Variants in VAMP4 observed in about 807,000 individuals in gnomAD.
VAMP4 encodes vesicle associated membrane protein 4, also known as vesicle-associated membrane protein 4.
Under a neutral mutation model 23.5 loss-of-function variants are expected in VAMP4, and 19 were observed. That is an observed-to-expected ratio of 0.81 (90% CI 0.56 to 1.19). The LOEUF (loss-of-function observed/expected upper bound fraction) is 1.19, where lower values mean the gene tolerates loss of function less well. VAMP4 is among the 50% of genes most tolerant of loss of function. VAMP4 has a pLI of 0.00. For missense variants in VAMP4, 145 were observed against 168.6 expected, an observed-to-expected ratio of 0.86 and a Z score of 0.78; for synonymous variants, 31 against 51.0, an observed-to-expected ratio of 0.61 and a Z score of 1.67.
At chr1:171,730,791 G>A (rs901315737) in intron 2 of VAMP4, among the ~76,000 whole-genome samples, 1 of 151,882 alleles carries the variant, frequency 6.6e-6, no homozygotes, top group Non-Finnish European at 1.5e-5. Flanking sequence ...ATAAGGGAAG[G>A]CATAAGGGAA....
chr1:171,715,133 G>A (rs966539247), intron 4 of VAMP4, among the ~76,000 whole-genome samples: 3 of 152,162 alleles, frequency 2.0e-5, no homozygotes, highest in Non-Finnish European at 4.4e-5. Flanking sequence ...TGGGAAAAGA[G>A]TAGACAACTC....
At chr1:171,712,618 C>T (rs975852176) in intron 4 of VAMP4, among the ~76,000 whole-genome samples, 1 of 152,122 alleles carries the variant, frequency 6.6e-6, no homozygotes, top group Non-Finnish European at 1.5e-5. Context: ...GACTGAAGCT[C>T]AACAAAGTTG....
rs1381910372 is a variant in VAMP4, at chr1:171,703,403, G to GTGTA, written c.*1102_*1103insTACA. ...TTATCATATGTGTGCGTGTGTGTGT[G>GTGTA]TGTGTGTGTGTGTGTTTGTGTGTAT... On this transcript the variant is annotated 3_prime_UTR_variant, in exon 8 of 8. Coordinates refer to ENST00000236192, the MANE Select transcript of VAMP4 (RefSeq NM_003762.5). 9.4e-4 allele frequency: 96 copies of GTGTA among 101,878 alleles called. 2 individuals are homozygous for GTGTA. The highest frequency in any genetic ancestry group is 3.6e-3 in the African/African-American group (93 of 26,154). The allele number at this position is 101,878 out of a possible 1,614,324, so 6.3% of individuals were successfully genotyped here. A position where few individuals can be genotyped will look rare whatever the true frequency, so the allele number is the denominator to read the frequency against.
chr1:171,738,944 G>A (rs961560604), intron 1 of VAMP4, among the ~76,000 whole-genome samples: 3 of 152,162 alleles, frequency 2.0e-5, no homozygotes, highest in African/African-American at 7.2e-5. Context: ...AAAATATTCT[G>A]CAAACTATAA....
At chr1:171,708,850 C>A (rs1572239098) in intron 6 of VAMP4, among the ~76,000 whole-genome samples, 2 of 106,658 alleles carry the variant, frequency 1.9e-5, no homozygotes, top group East Asian at 2.6e-4. Context: ...TCAGCCTGGA[C>A]AACAAGAGCA....
chr1:171,716,058 C>A (rs1655015438), intron 4 of VAMP4, among the ~76,000 whole-genome samples: 1 of 152,138 alleles, frequency 6.6e-6, no homozygotes, highest in South Asian at 2.1e-4. Context: ...TAGTTAATAT[C>A]CCCATCTTCT....
chr1:171,716,164 G>C (rs1469606176), intron 4 of VAMP4, among the ~76,000 whole-genome samples: 1 of 152,078 alleles, frequency 6.6e-6, no homozygotes, highest in Non-Finnish European at 1.5e-5. Flanking sequence ...AACATTCCCT[G>C]GGGTGTCGGG....
At position 171,703,423 on chromosome 1, in the gene VAMP4, GTGTATATATATATATATA is replaced by G. The variant is rs1197906628; in HGVS notation, c.*1065_*1082del. 8.5e-5 allele frequency: 7 copies of G among 81,948 alleles called. No homozygotes were observed. The highest frequency in any genetic ancestry group is 2.9e-4 in the African/African-American group (6 of 20,654). 5.1% of individuals were successfully genotyped at this position (81,948 alleles called of 1,614,324 possible). The stretch of plus-strand genomic sequence containing the variant: ...TGTGTGTGTGTGTGTGTGTGTTTGT[GTGTATATATATATATATA>G]TATATATATATATATATATATATAT... On this transcript the variant is annotated 3_prime_UTR_variant, in exon 8 of 8. Transcript: ENST00000236192.
chr1:171,717,322 A>G (rs1359476568), intron 4 of VAMP4, among the ~76,000 whole-genome samples: 1 of 152,178 alleles, frequency 6.6e-6, no homozygotes, highest in Non-Finnish European at 1.5e-5. Flanking sequence ...TTCAGACATT[A>G]CACATTGGCA....
intron 3 of VAMP4, among the ~76,000 whole-genome samples, chr1:171,721,749 A>T (rs375488711): frequency 2.9e-3 from 443 of 152,306 alleles, no homozygotes; most frequent in African/African-American, 0.01. Context: ...TCAACGAAAT[A>T]AAAGAGGACA....
intron 4 of VAMP4, among the ~76,000 whole-genome samples, chr1:171,714,807 G>T (rs1572242949): frequency 1.3e-5 from 2 of 152,090 alleles, no homozygotes; most frequent in African/African-American, 2.4e-5. Flanking sequence ...ATTCATCAAG[G>T]TTATCATCAT....
At chr1:171,710,897 G>C in intron 4 of VAMP4, 83 bp from the exon 5 acceptor site, 1 of 944,862 alleles carries the variant, frequency 1.1e-6, no homozygotes, top group Non-Finnish European at 1.6e-6. Context: ...ACATAATAAA[G>C]AATAGCAAAT....
At chr1:171,736,186 CAA>C (rs1655735549) in intron 2 of VAMP4, among the ~76,000 whole-genome samples, 1 of 152,146 alleles carries the variant, frequency 6.6e-6, no homozygotes, top group Non-Finnish European at 1.5e-5. Context: ...CACGCCTGGC[CAA>C]GACATGCTTT....
Position 171,710,434 on chromosome 1 carries a change from CA to C in VAMP4, c.265+279del, listed in dbSNP as rs532113199. On this transcript the variant is annotated intron_variant, in intron 5 of 7. Coordinates refer to ENST00000236192, the MANE Select transcript of VAMP4 (RefSeq NM_003762.5). ...TTAGGCCCTGAGATCATGAGAAACA[CA>C]AAGTTCATCAATATCACAGGGCAAA... Among the ~76,000 whole-genome samples the C allele has an allele frequency of 3.3e-5, 5 of 151,914 alleles. No homozygotes were observed. The East Asian group carries it at 9.7e-4, about 29-fold the overall frequency.
intron 4 of VAMP4, among the ~76,000 whole-genome samples, chr1:171,712,198 TTG>T (rs1654870144): frequency 6.6e-6 from 1 of 152,142 alleles, no homozygotes; most frequent in African/African-American, 2.4e-5. Context: ...AGATATGCAA[TTG>T]TGTTTCTACT....
At position 171,704,433 on chromosome 1, in the gene VAMP4, G is replaced by C. The variant is rs1654581170; in HGVS notation, c.*73C>G. On this transcript the variant is annotated 3_prime_UTR_variant, in exon 8 of 8. Coordinates refer to ENST00000236192, the MANE Select transcript of VAMP4 (RefSeq NM_003762.5). ...AGTTTTGAAAGTTATATACACATAG[G>C]TTTCATTTAAATTATGCAGCAATCT... is the stretch of plus-strand genomic sequence containing the variant. 1 of 1,350,416 alleles carries C rather than the reference G, an allele frequency of 7.4e-7. No homozygotes were observed. The highest frequency in any genetic ancestry group is 1.5e-5 in the African/African-American group (1 of 66,476). The allele number at this position is 1,350,416 out of a possible 1,614,324, so 83.7% of individuals were successfully genotyped here.
intron 2 of VAMP4, among the ~76,000 whole-genome samples, chr1:171,730,405 A>G (rs1019827232): frequency 6.6e-6 from 1 of 152,244 alleles, no homozygotes; most frequent in Admixed American, 6.5e-5. Flanking sequence ...ACTGTAAACA[A>G]TAAGTTAAAG....
At chr1:171,713,319 T>C (rs1194352657) in intron 4 of VAMP4, among the ~76,000 whole-genome samples, 5 of 151,868 alleles carry the variant, frequency 3.3e-5, no homozygotes, top group Admixed American at 3.3e-4. Flanking sequence ...CAAGTGACGA[T>C]AATTAATGGC....
rs142593605 is a variant in VAMP4, at chr1:171,715,597, G to A, written c.164+3574C>T. Among the ~76,000 whole-genome samples, 676 of 152,296 alleles carry A rather than the reference G, an allele frequency of 4.4e-3. 4 individuals are homozygous for A. Among genetic ancestry groups the A allele is most frequent in the African/African-American group, 0.014 (572 of 41,560 alleles). Reference sequence around the variant, plus strand: ...TACTTTACTTGTGAGAATTAAATGAGATAGTGTTATTCAAACACTTAGCAT... The same window carrying A: ...TACTTTACTTGTGAGAATTAAATGAAATAGTGTTATTCAAACACTTAGCAT... On this transcript the variant is annotated intron_variant, in intron 4 of 7. Transcript: ENST00000236192.
Sources: gnomAD v4.1 joint callset for allele counts (sites outside exome capture counted in the v4.1 genomes callset) on GRCh38, gnomAD v4.1.1 for gene constraint, MANE v1.5 for transcripts, NCBI Gene and HGNC (gene_info 2026-07-23, HGNC 2026-07-21) for gene names.